Variants in NHLRC2 observed in about 807,000 individuals in gnomAD.
NHLRC2 encodes the protein NHL repeat-containing protein 2.
NHLRC2 carries 33 observed loss-of-function variants against 68.1 expected under a neutral mutation model. That is an observed-to-expected ratio of 0.48 (90% CI 0.37 to 0.65). NHLRC2 has a LOEUF of 0.65. Among genes scored for constraint, NHLRC2 ranks in the 30% least tolerant of loss-of-function variants. NHLRC2 has a pLI of 0.00. For missense variants in NHLRC2, 761 were observed against 853.8 expected, an observed-to-expected ratio of 0.89 and a Z score of 1.35; for synonymous variants, 311 against 309.6, an observed-to-expected ratio of 1.00 and a Z score of -0.05.
chr10:113,896,520 G>GT (rs1342083086), intron 5 of NHLRC2, among the ~76,000 whole-genome samples: 1 of 109,756 alleles, frequency 9.1e-6, no homozygotes, highest in East Asian at 3.4e-4. Flanking sequence ...CTGTTGTGGG[G>GT]TGGGGGGAGG....
At chr10:113,877,349 C>T (rs780813565) in intron 3 of NHLRC2, among the ~76,000 whole-genome samples, 7 of 151,454 alleles carry the variant, frequency 4.6e-5, no homozygotes, top group Non-Finnish European at 1.0e-4. Flanking sequence ...CACTTTCCAA[C>T]AAAATATAGC....
intron 5 of NHLRC2, among the ~76,000 whole-genome samples, chr10:113,897,227 A>G (rs1846185257): frequency 6.6e-6 from 1 of 152,152 alleles, no homozygotes; most frequent in African/African-American, 2.4e-5. Flanking sequence ...AAAGTTTATT[A>G]TCTTAGATTT....
intron 5 of NHLRC2, among the ~76,000 whole-genome samples, chr10:113,889,575 T>C (rs1185021858): frequency 6.6e-6 from 1 of 152,194 alleles, no homozygotes; most frequent in Non-Finnish European, 1.5e-5. Context: ...TTTAGGTTAA[T>C]TAGGTATAAT....
Position 113,903,721 on chromosome 10 carries a change from TA to T in NHLRC2, c.1693del (p.Met565TrpfsTer15). 6.5e-7 allele frequency: 1 copy of T among 1,532,700 alleles called. No individual in the cohort carries two copies. Among genetic ancestry groups the T allele is most frequent in the Non-Finnish European group, 9.0e-7 (1 of 1,107,134 alleles). 94.9% of individuals were successfully genotyped at this position (1,532,700 alleles called of 1,614,324 possible). A position where few individuals can be genotyped will look rare whatever the true frequency, so the allele number is the denominator to read the frequency against. On this transcript the variant is annotated frameshift_variant, in exon 9 of 11. Transcript: ENST00000369301. LOFTEE classifies it high-confidence loss of function. ...AAATTAAAGTGATGGATTTAGAAAC[TA>T]AAATGGTATCTGTGGTAAGTAATTT... ...HQIKVMDLET[K>X]MVSVLPIFRS...
In NHLRC2 at chr10:113,865,062, A is replaced by G. The variant is rs1169865669; in HGVS notation, c.331+6382A>G. Among the ~76,000 whole-genome samples the G allele has an allele frequency of 2.7e-5, 4 of 150,620 alleles. No homozygotes were observed. The East Asian group carries it at 7.9e-4, about 30-fold the overall frequency. ...CCTCCCGGGTTCAAGCGATTCTCCTACCTCAGCCTCCCGAGTAGCTGGGAC... is the reference window on the plus strand; with the variant it reads ...CCTCCCGGGTTCAAGCGATTCTCCTGCCTCAGCCTCCCGAGTAGCTGGGAC... On this transcript the variant is annotated intron_variant, in intron 2 of 10. Transcript: ENST00000369301.
chr10:113,903,807 CAG>C, intron 9 of NHLRC2, 71 bp downstream of exon 9: 3 of 910,088 alleles, frequency 3.3e-6, no homozygotes, highest in Non-Finnish European at 5.4e-6. Context: ...ACAGCACTGA[CAG>C]AGGCATTTTT....
intron 2 of NHLRC2, among the ~76,000 whole-genome samples, chr10:113,873,481 G>A (rs1845948621): frequency 1.3e-5 from 2 of 152,080 alleles, no homozygotes; most frequent in Admixed American, 6.6e-5. Flanking sequence ...ATGTTATTGT[G>A]GAGCTACATG....
chr10:113,855,466 G>GT (rs1282722557), intron 1 of NHLRC2, among the ~76,000 whole-genome samples: 79 of 150,166 alleles, frequency 5.3e-4, no homozygotes, highest in African/African-American at 1.0e-3. Context: ...CACACACAGG[G>GT]TTTTTTTTTG....
At position 113,916,568 on chromosome 10, in the gene NHLRC2, G is replaced by A. The variant is rs1354348246; in HGVS notation, c.*8032G>A. 2 of 152,056 alleles carry A rather than the reference G, an allele frequency of 1.3e-5. No homozygotes were observed. Among genetic ancestry groups the A allele is most frequent in the Non-Finnish European group, 2.9e-5 (2 of 68,006 alleles). The allele number at this position is 152,056 out of a possible 1,614,324, so 9.4% of individuals were successfully genotyped here. On this transcript the variant is annotated 3_prime_UTR_variant, in exon 11 of 11. Coordinates refer to ENST00000369301, the MANE Select transcript of NHLRC2 (RefSeq NM_198514.4). ...AAGTTTAAATTCTCACTGTTAAGTT[G>A]CATTGAGAGACAATTAGAAATGTTG...
At chr10:113,875,644 A>G (rs1179767029) in intron 2 of NHLRC2, among the ~76,000 whole-genome samples, 2 of 152,150 alleles carry the variant, frequency 1.3e-5, no homozygotes, top group Admixed American at 6.5e-5. Context: ...TGTACAATCT[A>G]TCTGGTCGGG....
intron 4 of NHLRC2, among the ~76,000 whole-genome samples, chr10:113,883,690 G>A (rs766514653): frequency 3.0e-4 from 46 of 151,864 alleles, no homozygotes; most frequent in Non-Finnish European, 6.0e-4. Flanking sequence ...GGAACTGCCT[G>A]GGTTCAGGTC....
chr10:113,903,061 G>A (rs538636961), intron 8 of NHLRC2, among the ~76,000 whole-genome samples: 1 of 152,066 alleles, frequency 6.6e-6, no homozygotes, highest in Non-Finnish European at 1.5e-5. Context: ...GATAATAAAT[G>A]TTCATGCAGT....
rs892459073 is a variant in NHLRC2 at position 113,915,096 on chromosome 10, A to G, written c.*6560A>G. On this transcript the variant is annotated 3_prime_UTR_variant, in exon 11 of 11. Coordinates refer to ENST00000369301, the MANE Select transcript of NHLRC2 (RefSeq NM_198514.4). Reference sequence around the variant, plus strand: ...TTCTTTTCAAGGGTTGGAGTTGGAAAGTGAAAACCCTAGACACTTGCTGTG... The same window carrying G: ...TTCTTTTCAAGGGTTGGAGTTGGAAGGTGAAAACCCTAGACACTTGCTGTG... 4 of 456,202 alleles carry G rather than the reference A, an allele frequency of 8.8e-6. No individual in the cohort carries two copies. The highest frequency in any genetic ancestry group is 1.4e-4 in the East Asian group (2 of 14,414). The allele number at this position is 456,202 out of a possible 1,614,324, so 28.3% of individuals were successfully genotyped here.
intron 5 of NHLRC2, among the ~76,000 whole-genome samples, chr10:113,885,895 G>A (rs1218044942): frequency 6.6e-6 from 1 of 151,894 alleles, no homozygotes; most frequent in Non-Finnish European, 1.5e-5. Flanking sequence ...GGGAAGAGGA[G>A]CAATTAGGTA....
rs544516346 is a variant in NHLRC2, at chr10:113,902,703, A to G, written c.1494+110A>G. 1.1e-4 allele frequency: 104 copies of G among 959,326 alleles called. 1 individual carries two copies. In the South Asian group the frequency reaches 1.4e-3, roughly 13 times the overall value. 59.4% of individuals were successfully genotyped at this position (959,326 alleles called of 1,614,324 possible). ...GCCACTCTAAAATATAGAAAGGAGTAACAGTCTTTGACAACTATAACCCAG... is the reference window on the plus strand; with the variant it reads ...GCCACTCTAAAATATAGAAAGGAGTGACAGTCTTTGACAACTATAACCCAG... On this transcript the variant is annotated intron_variant, in intron 8 of 10. Coordinates refer to ENST00000369301, the MANE Select transcript of NHLRC2 (RefSeq NM_198514.4).
chr10:113,858,595 C>G lies in NHLRC2; in HGVS notation c.246C>G (p.Val82=), dbSNP rs1845784643. The G allele has an allele frequency of 6.2e-7, 1 of 1,610,542 alleles. No individual in the cohort carries two copies. The highest frequency in any genetic ancestry group is 8.5e-7 in the Non-Finnish European group (1 of 1,176,918). Residue 82 remains valine, a synonymous_variant, in exon 2 of 11, where the codon GTC becomes GTG. Coordinates refer to ENST00000369301, the MANE Select transcript of NHLRC2 (RefSeq NM_198514.4). ...VYKDLCGKIV[V]LDFFTYCCIN... ...AGGATCTATGTGGAAAAATAGTCGTCCTTGATTTCTTCACCTACTGCTGCA... is the reference window on the plus strand; with the variant it reads ...AGGATCTATGTGGAAAAATAGTCGTGCTTGATTTCTTCACCTACTGCTGCA...
chr10:113,877,164 C>G (rs1044409462), intron 3 of NHLRC2, among the ~76,000 whole-genome samples, 188 bp downstream of exon 3: 1 of 151,690 alleles, frequency 6.6e-6, no homozygotes, highest in East Asian at 1.9e-4. Context: ...CTCACTCCCT[C>G]ATAAAACAAA....
Position 113,908,389 on chromosome 10 carries a change from C to T in NHLRC2, c.2034C>T (p.Ala678=), listed in dbSNP as rs1334980130. 1 of 1,613,922 alleles carries T rather than the reference C, an allele frequency of 6.2e-7. No homozygotes were observed. The highest frequency in any genetic ancestry group is 8.5e-7 in the Non-Finnish European group (1 of 1,179,918). ...CTGATGATTGCTTATCACTTGAAGCCATTGTATCTGTCAGTGTGTTTCTTT... is the reference window on the plus strand; with the variant it reads ...CTGATGATTGCTTATCACTTGAAGCTATTGTATCTGTCAGTGTGTTTCTTT... ...QIPDDCLSLE[A]IVSVSVFLYY... Residue 678 remains alanine (A), a synonymous_variant, in exon 11 of 11, where the codon GCC becomes GCT. Transcript: ENST00000369301.
In NHLRC2 at chr10:113,909,139, C is replaced by G. The variant is rs1334512954; in HGVS notation, c.*603C>G. Reference sequence around the variant, plus strand: ...GATATTTTTAAAAGAGAGTTTTGATCTATTTTTATTATAAATTATTTGTTA... The same window carrying G: ...GATATTTTTAAAAGAGAGTTTTGATGTATTTTTATTATAAATTATTTGTTA... On this transcript the variant is annotated 3_prime_UTR_variant, in exon 11 of 11. Transcript: ENST00000369301. The G allele has an allele frequency of 1.3e-5, 2 of 152,234 alleles. No individual in the cohort carries two copies. Among genetic ancestry groups the G allele is most frequent in the East Asian group, 3.9e-4 (2 of 5,184 alleles). 9.4% of individuals were successfully genotyped at this position (152,234 alleles called of 1,614,324 possible).
Sources: allele counts gnomAD v4.1 joint callset (sites outside exome capture counted in the v4.1 genomes callset), GRCh38; gene constraint gnomAD v4.1.1; transcripts MANE v1.5; gene names NCBI Gene and HGNC (gene_info 2026-07-23, HGNC 2026-07-21).